The following CFAP299 variants were observed in gnomAD, a reference collection of about 807,000 sequenced individuals.
The protein encoded by CFAP299 is cilia- and flagella-associated protein 299.
A neutral mutation model predicts 27.0 loss-of-function variants in CFAP299; 21 were observed. The observed-to-expected ratio is 0.78, with a 90% CI of 0.55 to 1.12. The LOEUF is 1.12. Among genes scored for constraint, CFAP299 ranks in the 50% most tolerant of loss-of-function variants. CFAP299 has a pLI of 0.00. For synonymous variants in CFAP299, 104 were observed against 98.1 expected, an observed-to-expected ratio of 1.06 and a Z score of -0.36; for missense variants, 310 against 276.6, an observed-to-expected ratio of 1.12 and a Z score of -0.86.
chr4:80,780,354 A>G (rs1310927772), intron 3 of CFAP299, among the ~76,000 whole-genome samples: 3 of 152,198 alleles, frequency 2.0e-5, no homozygotes, highest in Non-Finnish European at 4.4e-5. Flanking sequence ...TTTGAAAGGC[A>G]TTGCCACTTT....
chr4:80,811,591 AG>A (rs1038740022), intron 3 of CFAP299, among the ~76,000 whole-genome samples: 1 of 152,140 alleles, frequency 6.6e-6, no homozygotes, highest in Non-Finnish European at 1.5e-5. Context: ...CTTTTACCAC[AG>A]CTGGCTGATT....
At chr4:80,929,160 T>C (rs758646263) in intron 4 of CFAP299, among the ~76,000 whole-genome samples, 2 of 152,104 alleles carry the variant, frequency 1.3e-5, no homozygotes, top group African/African-American at 2.4e-5. Context: ...ATGGCAATGC[T>C]ACCCATCCAG....
chr4:80,514,656 C>G (rs547371881), intron 2 of CFAP299, among the ~76,000 whole-genome samples: 2 of 152,040 alleles, frequency 1.3e-5, no homozygotes, highest in African/African-American at 4.8e-5. Context: ...ACTAACACAT[C>G]TTTGTTTACC....
At chr4:80,803,862 T>C (rs2110111893) in intron 3 of CFAP299, among the ~76,000 whole-genome samples, 1 of 152,106 alleles carries the variant, frequency 6.6e-6, no homozygotes, top group African/African-American at 2.4e-5. Context: ...AGTGGTGTCT[T>C]AGTCTGTTTG....
intron 2 of CFAP299, among the ~76,000 whole-genome samples, chr4:80,517,392 G>A (rs142226523): frequency 3.3e-5 from 5 of 152,074 alleles, no homozygotes; most frequent in Non-Finnish European, 7.4e-5. Flanking sequence ...CCAAACCATG[G>A]GAAGAGAAAT....
chr4:80,737,015 G>A (rs1174128620), intron 3 of CFAP299, among the ~76,000 whole-genome samples: 1 of 152,124 alleles, frequency 6.6e-6, no homozygotes, highest in Non-Finnish European at 1.5e-5. Context: ...CCTTTGTAGG[G>A]ACATGGATGA....
intron 2 of CFAP299, among the ~76,000 whole-genome samples, chr4:80,541,261 A>G (rs17004938): frequency 0.045 from 6,813 of 152,276 alleles, 542 homozygotes; most frequent in African/African-American, 0.15. Flanking sequence ...TGTGAACTCC[A>G]TATAAACATT....
intron 5 of CFAP299, among the ~76,000 whole-genome samples, chr4:80,951,614 A>C (rs576365199): frequency 1.1e-4 from 17 of 152,242 alleles, no homozygotes; most frequent in African/African-American, 3.6e-4. Context: ...CAGAGAACTC[A>C]AGGCTCTTCC....
At chr4:80,761,663 T>C (rs2110078070) in intron 3 of CFAP299, among the ~76,000 whole-genome samples, 1 of 152,178 alleles carries the variant, frequency 6.6e-6, no homozygotes, top group East Asian at 1.9e-4. Flanking sequence ...ATTAACTTTA[T>C]TAAAAAACTT....
chr4:80,895,220 G>A (rs967845829), intron 4 of CFAP299, among the ~76,000 whole-genome samples: 2 of 151,152 alleles, frequency 1.3e-5, no homozygotes, highest in Non-Finnish European at 3.0e-5. Context: ...GTGAAATGAT[G>A]GCTATGTTAA....
At chr4:80,480,176 C>T (rs1730484381) in intron 2 of CFAP299, among the ~76,000 whole-genome samples, 1 of 151,612 alleles carries the variant, frequency 6.6e-6, no homozygotes, top group African/African-American at 2.4e-5. Flanking sequence ...ACATAGTACT[C>T]CAAAGATTTT....
chr4:80,878,823 CA>C (rs1733547319), intron 4 of CFAP299, among the ~76,000 whole-genome samples: 1 of 151,980 alleles, frequency 6.6e-6, no homozygotes, highest in African/African-American at 2.4e-5. Context: ...AGCTATGCAC[CA>C]AAATTAAATT....
chr4:80,369,352 G>T (rs146597018), intron 2 of CFAP299, among the ~76,000 whole-genome samples: 2 of 152,106 alleles, frequency 1.3e-5, no homozygotes, highest in South Asian at 2.1e-4. Context: ...GTGAGCTACC[G>T]CCCCTATCAT....
intron 2 of CFAP299, among the ~76,000 whole-genome samples, chr4:80,512,780 C>T (rs1010661990): frequency 6.6e-6 from 1 of 152,052 alleles, no homozygotes; most frequent in Non-Finnish European, 1.5e-5. Flanking sequence ...CTTTGTACTT[C>T]CCTCTGCAAG....
At chr4:80,519,300 G>A (rs1291736414) in intron 2 of CFAP299, among the ~76,000 whole-genome samples, 1 of 152,052 alleles carries the variant, frequency 6.6e-6, no homozygotes, top group Non-Finnish European at 1.5e-5. Flanking sequence ...TCTGCCTCCT[G>A]GGTTCAAGTG....
chr4:80,707,770 T>C (rs1337337760), intron 3 of CFAP299, among the ~76,000 whole-genome samples: 1 of 152,066 alleles, frequency 6.6e-6, no homozygotes, highest in Non-Finnish European at 1.5e-5. Flanking sequence ...TCAACTTCAA[T>C]GAGTGATTTA....
At chr4:80,450,910 T>TGTGTGA (rs1553924204) in intron 2 of CFAP299, among the ~76,000 whole-genome samples, 9 of 147,664 alleles carry the variant, frequency 6.1e-5, no homozygotes, top group South Asian at 2.2e-4. Flanking sequence ...TGTGTGTGTG[T>TGTGTGA]GAGAGAGAGA....
intron 3 of CFAP299, among the ~76,000 whole-genome samples, chr4:80,606,171 A>G (rs904345877): frequency 1.2e-4 from 19 of 152,236 alleles, no homozygotes; most frequent in Admixed American, 5.2e-4. Flanking sequence ...CTCCAATCAT[A>G]TGTCCCTTTC....
chr4:80,533,490 G>T (rs1358892285), intron 2 of CFAP299, among the ~76,000 whole-genome samples: 1 of 151,912 alleles, frequency 6.6e-6, no homozygotes, highest in Non-Finnish European at 1.5e-5. Context: ...TCTTTTCAGG[G>T]TGGGTACCTT....
Sources: allele counts gnomAD v4.1 joint callset (sites outside exome capture counted in the v4.1 genomes callset), GRCh38; gene constraint gnomAD v4.1.1; transcripts MANE v1.5; gene names NCBI Gene and HGNC (gene_info 2026-07-23, HGNC 2026-07-21).